OTUD4: variants seen among roughly 807,000 people sequenced by gnomAD.
OTUD4 encodes OTU domain-containing protein 4.
OTUD4 carries 24 observed loss-of-function variants against 130.4 expected under a neutral mutation model. The ratio of observed to expected loss-of-function variants is 0.18; its 90% CI spans 0.13 to 0.26. OTUD4 has a LOEUF of 0.26. Among genes scored for constraint, OTUD4 ranks in the 10% least tolerant of loss-of-function variants. The pLI, the probability that OTUD4 is intolerant of heterozygous loss-of-function variation, is 1.00. For synonymous variants in OTUD4, 420 were observed against 472.5 expected (o/e 0.89, Z 1.44); for missense variants, 1,031 against 1,329.4 (o/e 0.78, Z 3.49).
chr4:145,172,201 T>G (rs1210295603), intron 2 of OTUD4, among the ~76,000 whole-genome samples: 3 of 152,238 alleles, frequency 2.0e-5, no homozygotes, highest in African/African-American at 7.2e-5. Flanking sequence ...GAAAGGCCAT[T>G]CAAGGCCACT....
chr4:145,167,871 A>T (rs1183896729), intron 3 of OTUD4, among the ~76,000 whole-genome samples: 2 of 152,154 alleles, frequency 1.3e-5, no homozygotes, highest in African/African-American at 4.8e-5. Context: ...AAAAAAATTA[A>T]AAATGAAAAA....
chr4:145,151,357 C>T (rs990719678), intron 11 of OTUD4, among the ~76,000 whole-genome samples: 1 of 152,082 alleles, frequency 6.6e-6, no homozygotes, highest in African/African-American at 2.4e-5. Flanking sequence ...TTGCCAAGGC[C>T]AGGTGCAGTG....
chr4:145,174,061 G>A (rs1752306378), intron 2 of OTUD4, among the ~76,000 whole-genome samples: 1 of 145,938 alleles, frequency 6.9e-6, no homozygotes, highest in Admixed American at 7.0e-5. Context: ...AGGCTGTGGT[G>A]CAGCGGCGCA....
chr4:145,172,450 C>T (rs891013510), intron 2 of OTUD4, among the ~76,000 whole-genome samples: 3 of 152,234 alleles, frequency 2.0e-5, no homozygotes, highest in Admixed American at 2.0e-4. Context: ...CAGCTTGCTT[C>T]ATCGCTTCAT....
intron 4 of OTUD4, among the ~76,000 whole-genome samples, chr4:145,164,557 C>T (rs1364260030): frequency 2.0e-5 from 3 of 151,996 alleles, no homozygotes; most frequent in Admixed American, 2.0e-4. Context: ...CTCTACTAGG[C>T]AAAAGTAGCA....
At chr4:145,158,228 A>G (rs142298153) in intron 7 of OTUD4, among the ~76,000 whole-genome samples, 134 of 152,358 alleles carry the variant, frequency 8.8e-4, no homozygotes, top group African/African-American at 3.0e-3. Context: ...TCACGCCTGT[A>G]ATCCCAGCAC....
intron 14 of OTUD4, 73 bp downstream of exon 14, chr4:145,146,194 T>G: frequency 2.1e-6 from 2 of 967,846 alleles, no homozygotes; most frequent in Non-Finnish European, 2.9e-6. Flanking sequence ...CCTTGGGAAC[T>G]ATGGCTTAAT....
chr4:145,163,356 T>A (rs1437309203), intron 5 of OTUD4, among the ~76,000 whole-genome samples: 3 of 152,210 alleles, frequency 2.0e-5, no homozygotes, highest in Non-Finnish European at 4.4e-5. Flanking sequence ...AAAAATTCTC[T>A]TATAATAAGT....
At chr4:145,150,432 A>C in intron 13 of OTUD4, 81 bp downstream of exon 13, 1 of 944,002 alleles carries the variant, frequency 1.1e-6, no homozygotes, top group South Asian at 1.7e-5. Context: ...AGTTATAATT[A>C]TTCAAATGCA....
chr4:145,173,252 G>A (rs1000040729), intron 2 of OTUD4, among the ~76,000 whole-genome samples: 6 of 152,220 alleles, frequency 3.9e-5, no homozygotes, highest in East Asian at 3.9e-4. Context: ...TTAGCCTGGC[G>A]TGATGGTGCC....
intron 16 of OTUD4, 145 bp from the exon 17 acceptor site, chr4:145,143,590 C>T (rs1049908697): frequency 4.9e-6 from 3 of 608,780 alleles, no homozygotes. Context: ...ATGTTATTTT[C>T]AACAGGTAGG....
rs750087156 is a variant in OTUD4, at chr4:145,137,583, A to G, written c.3192T>C (p.Tyr1064=). The G allele has an allele frequency of 1.2e-6, 2 of 1,613,284 alleles. No individual in the cohort carries two copies. Among genetic ancestry groups the G allele is most frequent in the South Asian group, 1.1e-5 (1 of 91,052 alleles). Residue 1064 remains tyrosine, a synonymous_variant, in exon 21 of 21, where the codon TAT becomes TAC. Coordinates refer to ENST00000447906, the MANE Select transcript of OTUD4 (RefSeq NM_001366057.1). ...AGGACTCCTCACTTCTCACATGTTG[A>G]TATCCACCCCTACCAGAATAGCCCC... ...SDWGYSGRGG[Y]QHVRSEESWK...
In OTUD4 at chr4:145,141,448, T is replaced by C. The variant is rs766942382; in HGVS notation, c.2014A>G (p.Asn672Asp). 6 of 1,613,658 alleles carry C rather than the reference T, an allele frequency of 3.7e-6. No homozygotes were observed. In the African/African-American group the frequency reaches 5.3e-5, roughly 14 times the overall value. Residue 672 changes from asparagine to aspartate, a missense_variant, in exon 19 of 21, where the codon AAT becomes GAT. Coordinates refer to ENST00000447906, the MANE Select transcript of OTUD4 (RefSeq NM_001366057.1). Reference sequence around the variant, plus strand: ...ACAATGGCTCGATCTCCCTTTTCATTACAAGGAAACCCAGGATAGAGTGGG... The same window carrying C: ...ACAATGGCTCGATCTCCCTTTTCATCACAAGGAAACCCAGGATAGAGTGGG... Reference protein sequence around the residue: ...QDPLYPGFPCNEKGDRAIVPP... With the variant: ...QDPLYPGFPCDEKGDRAIVPP...
At chr4:145,141,186 A>G (rs1032910448) in intron 19 of OTUD4, among the ~76,000 whole-genome samples, 193 bp downstream of exon 19, 5 of 151,806 alleles carry the variant, frequency 3.3e-5, no homozygotes, top group African/African-American at 1.2e-4. Flanking sequence ...AAAAAAAAAA[A>G]AAATTATAAT....
intron 7 of OTUD4, among the ~76,000 whole-genome samples, chr4:145,158,359 G>A (rs1428562905): frequency 1.3e-5 from 2 of 152,094 alleles, no homozygotes; most frequent in Non-Finnish European, 2.9e-5. Flanking sequence ...GCGGGCGCCT[G>A]TAGTCCCAGC....
intron 5 of OTUD4, among the ~76,000 whole-genome samples, chr4:145,163,053 C>A (rs1751660480): frequency 6.6e-6 from 1 of 152,194 alleles, no homozygotes; most frequent in Admixed American, 6.5e-5. Context: ...ATGCTAACCT[C>A]TAACATGCAA....
Position 145,138,008 on chromosome 4 carries a change from G to A in OTUD4, c.2767C>T (p.Leu923Phe), listed in dbSNP as rs752467336. The change falls in exon 21 of 21, where the codon CTC becomes TTC. Residue 923 changes from leucine (L) to phenylalanine (F), a missense_variant. Leu to Phe is a conservative substitution (Grantham distance 22). Coordinates refer to ENST00000447906, the MANE Select transcript of OTUD4 (RefSeq NM_001366057.1). ...PEARGEHVHS[L>F]PEASVSSKPD... is the part of the protein sequence containing the mutation. The stretch of plus-strand genomic sequence containing the variant: ...TTACTGCTCACACTTGCTTCAGGGA[G>A]AGAATGTACATGTTCACCCCTGGCT... 1.2e-6 allele frequency: 2 copies of A among 1,614,064 alleles called. No homozygotes were observed. Among genetic ancestry groups the A allele is most frequent in the Non-Finnish European group, 1.7e-6 (2 of 1,179,946 alleles).
chr4:145,144,235 T>C, intron 15 of OTUD4, 76 bp downstream of exon 15: 1 of 1,493,306 alleles, frequency 6.7e-7, no homozygotes, highest in Non-Finnish European at 9.1e-7. Flanking sequence ...AAAGGGTTCT[T>C]TCCCAAATAT....
At chr4:145,151,367 G>A (rs1490635389) in intron 11 of OTUD4, among the ~76,000 whole-genome samples, 1 of 152,144 alleles carries the variant, frequency 6.6e-6, no homozygotes, top group African/African-American at 2.4e-5. Context: ...CAGGTGCAGT[G>A]GCTCATGCCT....
Sources: gnomAD v4.1 joint callset for allele counts (sites outside exome capture counted in the v4.1 genomes callset) on GRCh38, gnomAD v4.1.1 for gene constraint, MANE v1.5 for transcripts, NCBI Gene and HGNC (gene_info 2026-07-23, HGNC 2026-07-21) for gene names.